PKP1: variants seen among roughly 807,000 people sequenced by gnomAD.
The protein encoded by PKP1 is plakophilin 1.
Under a neutral mutation model 76.4 loss-of-function variants are expected in PKP1, and 27 were observed. The observed-to-expected ratio is 0.35, with a 90% CI of 0.26 to 0.49. PKP1 has a LOEUF of 0.49. Among genes scored for constraint, PKP1 ranks in the 20% least tolerant of loss-of-function variants. The probability of loss-of-function intolerance (pLI) is 0.99; values close to 1 mark genes in which losing one functional copy is unlikely to be tolerated. For synonymous variants in PKP1, 404 were observed against 384.2 expected (o/e 1.05, Z -0.60); for missense variants, 964 against 955.2 (o/e 1.01, Z -0.12).
In PKP1 at chr1:201,332,272, GAGCCCCATGGGCCC is replaced by G. The variant is rs929326350; in HGVS notation, c.*2238_*2251del. 3 of 152,584 alleles carry G rather than the reference GAGCCCCATGGGCCC, an allele frequency of 2.0e-5. No homozygotes were observed. The South Asian group carries it at 6.2e-4, about 32-fold the overall frequency. 9.5% of individuals were successfully genotyped at this position (152,584 alleles called of 1,614,324 possible). A position where few individuals can be genotyped will look rare whatever the true frequency, so the allele number is the denominator to read the frequency against. ...GTTCCTCCCACCTTCAAAGAATGAA[GAGCCCCATGGGCCC>G]AGCCCCTGCCCTGGGAACCAGGCAG... On this transcript the variant is annotated 3_prime_UTR_variant, in exon 14 of 14. Coordinates refer to ENST00000367324, the MANE Select transcript of PKP1 (RefSeq NM_001005337.3).
rs547144721 is a variant in PKP1 at position 201,292,436 on chromosome 1, C to T, written c.203-1506C>T. On this transcript the variant is annotated intron_variant, in intron 1 of 13. Transcript: ENST00000367324. Reference sequence around the variant, plus strand: ...AAGCTGTGTCTGCCACAGCTTGAGACCCCTAATGTCCATGATGGAAGGGTG... The same window carrying T: ...AAGCTGTGTCTGCCACAGCTTGAGATCCCTAATGTCCATGATGGAAGGGTG... Among the ~76,000 whole-genome samples the T allele has an allele frequency of 2.0e-5, 3 of 152,298 alleles. No individual in the cohort carries two copies. In the South Asian group the frequency reaches 6.2e-4, roughly 32 times the overall value.
chr1:201,297,433 C>A (rs1007011988), intron 2 of PKP1, among the ~76,000 whole-genome samples: 2 of 152,184 alleles, frequency 1.3e-5, no homozygotes, highest in Admixed American at 6.5e-5. Flanking sequence ...GGTTTCTCAG[C>A]TGCATACTCA....
chr1:201,318,916 T>C, intron 6 of PKP1, 121 bp downstream of exon 6: 13 of 852,194 alleles, frequency 1.5e-5, no homozygotes, highest in Non-Finnish European at 2.5e-5. Context: ...GCACTCCCTC[T>C]TATGGGCAGG....
intron 6 of PKP1, chr1:201,319,747 G>A: frequency 2.0e-6 from 3 of 1,529,280 alleles, no homozygotes; most frequent in Non-Finnish European, 1.8e-6. Flanking sequence ...GGAGCTTCTG[G>A]TGCCCAGCCC....
rs769907783 is a variant in PKP1, at chr1:201,313,234, C to G, written c.375C>G (p.Asn125Lys). The change falls in exon 3 of 14, where the codon AAC becomes AAG. Residue 125 changes from asparagine (N) to lysine (K), a missense_variant. By Grantham distance (94) the Asn-to-Lys change is moderately conservative (BLOSUM62 0). Coordinates refer to ENST00000367324, the MANE Select transcript of PKP1 (RefSeq NM_001005337.3). ...TCAGCTCCTACAGCCAGATGGAGAACTGGAGCCGGCACTACCCCCGGGGCA... is the reference window on the plus strand; with the variant it reads ...TCAGCTCCTACAGCCAGATGGAGAAGTGGAGCCGGCACTACCCCCGGGGCA... ...RRFSSYSQME[N>K]WSRHYPRGSC... The G allele has an allele frequency of 6.2e-7, 1 of 1,604,416 alleles. No individual in the cohort carries two copies. The highest frequency in any genetic ancestry group is 1.3e-5 in the African/African-American group (1 of 74,860).
intron 4 of PKP1, among the ~76,000 whole-genome samples, chr1:201,317,058 C>T (rs1319345721): frequency 1.3e-5 from 2 of 152,220 alleles, no homozygotes; most frequent in African/African-American, 4.8e-5. Flanking sequence ...CACTCCCCTT[C>T]TCTCTCCAGG....
intron 2 of PKP1, among the ~76,000 whole-genome samples, chr1:201,311,069 G>A (rs1011859203): frequency 6.6e-6 from 1 of 152,238 alleles, no homozygotes; most frequent in Admixed American, 6.5e-5. Flanking sequence ...ACGTCCAGGC[G>A]TGTCGTTTAT....
chr1:201,295,651 T>C (rs1035862745), intron 2 of PKP1, among the ~76,000 whole-genome samples: 2 of 152,232 alleles, frequency 1.3e-5, no homozygotes, highest in African/African-American at 4.8e-5. Flanking sequence ...TTAGGAGGCT[T>C]AGGTTCTAGT....
intron 2 of PKP1, among the ~76,000 whole-genome samples, chr1:201,310,543 C>CGATG (rs1656516538): frequency 6.6e-6 from 1 of 152,204 alleles, no homozygotes; most frequent in African/African-American, 2.4e-5. Context: ...GGTCCCAGGC[C>CGATG]AATTTGTGCA....
Position 201,325,037 on chromosome 1 carries a change from T to C in PKP1, c.1931T>C (p.Val644Ala), listed in dbSNP as rs1461169842. 6.2e-6 allele frequency: 10 copies of C among 1,613,772 alleles called. No homozygotes were observed. Among genetic ancestry groups the C allele is most frequent in the Admixed American group, 1.7e-5 (1 of 60,008 alleles). The stretch of plus-strand genomic sequence containing the variant: ...ATCTTGTCCTCGGCCTGCTACACTG[T>C]GAGGAACCTGATGGCCTCGCAGCCA... The part of the protein sequence containing the change: ...EDILSSACYT[V>A]RNLMASQPQL... The change falls in exon 11 of 14, where the codon GTG becomes GCG. Residue 644 changes from valine (V) to alanine (A), a missense_variant. Transcript: ENST00000367324.
Position 201,284,397 on chromosome 1 carries a change from G to A in PKP1, c.202+493G>A, listed in dbSNP as rs115284684. Among the ~76,000 whole-genome samples, 727 of 152,322 alleles carry A rather than the reference G, an allele frequency of 4.8e-3. 7 individuals are homozygous for A. The highest frequency in any genetic ancestry group is 0.016 in the African/African-American group (678 of 41,582). On this transcript the variant is annotated intron_variant, in intron 1 of 13. Transcript: ENST00000367324. ...TTGATCTCCTGGCCTTCAGCTGGAG[G>A]CCGATGCCCAGCGTCCAGGCCAAGG...
intron 2 of PKP1, among the ~76,000 whole-genome samples, chr1:201,296,846 C>T (rs771599453): frequency 1.1e-4 from 16 of 152,182 alleles, no homozygotes; most frequent in Non-Finnish European, 2.1e-4. Flanking sequence ...TTGTCATGAC[C>T]TGGGTTTGAC....
intron 2 of PKP1, among the ~76,000 whole-genome samples, chr1:201,306,653 T>C (rs1772836): frequency 0.5 from 75,686 of 152,080 alleles, 22,863 homozygotes; most frequent in East Asian, 0.74. Flanking sequence ...AAGTCTCTAC[T>C]CTGAGGATGG....
At chr1:201,319,927 T>C (rs746477347) in intron 6 of PKP1, 2 of 1,585,356 alleles carry the variant, frequency 1.3e-6, no homozygotes, top group Admixed American at 1.7e-5. Context: ...CATGGAGCCA[T>C]TGCCAGTTAT....
chr1:201,318,880 G>C, intron 6 of PKP1, 85 bp downstream of exon 6: 4 of 1,091,864 alleles, frequency 3.7e-6, no homozygotes, highest in Non-Finnish European at 5.5e-6. Flanking sequence ...CATTCAGCCG[G>C]TGCATAGAAC....
intron 2 of PKP1, among the ~76,000 whole-genome samples, chr1:201,301,508 C>T (rs1446866633): frequency 6.6e-6 from 1 of 152,028 alleles, no homozygotes; most frequent in Non-Finnish European, 1.5e-5. Context: ...GCCTGGGGCT[C>T]GATTTCTTCC....
At position 201,316,625 on chromosome 1, in the gene PKP1, TGAG is replaced by T. The variant is rs1656755420; in HGVS notation, c.775_777del (p.Glu259del). On this transcript the variant is annotated inframe_deletion, in exon 4 of 14. Transcript: ENST00000367324. ...CTGTGCAGTACCTGAGCTCCCAGGATGAGAAGTACCAGGCCATTGGGGCCTATT... is the reference window on the plus strand; with the variant it reads ...CTGTGCAGTACCTGAGCTCCCAGGATAAGTACCAGGCCATTGGGGCCTATT... 1 of 1,613,492 alleles carries T rather than the reference TGAG, an allele frequency of 6.2e-7. No individual in the cohort carries two copies. Among genetic ancestry groups the T allele is most frequent in the East Asian group, 2.2e-5 (1 of 44,878 alleles).
At chr1:201,316,040 A>G (rs1216090602) in intron 3 of PKP1, among the ~76,000 whole-genome samples, 1 of 152,166 alleles carries the variant, frequency 6.6e-6, no homozygotes, top group East Asian at 1.9e-4. Flanking sequence ...GGATAGATGG[A>G]TGGATAAATG....
Position 201,325,827 on chromosome 1 carries a change from G to A in PKP1, c.2095G>A (p.Val699Ile), listed in dbSNP as rs769257959. ...GTGGTCCAGCAAGGAACTGCAGGGT[G>A]TCCTCAGACAGGTAAGAGCCCAGGA... ...DMWSSKELQGVLRQQGFDRNM... is the reference protein window; with the variant it reads ...DMWSSKELQGILRQQGFDRNM... Residue 699 changes from valine to isoleucine, a missense_variant, in exon 12 of 14, where the codon GTC becomes ATC. Coordinates refer to ENST00000367324, the MANE Select transcript of PKP1 (RefSeq NM_001005337.3). 4 of 1,613,324 alleles carry A rather than the reference G, an allele frequency of 2.5e-6. No individual in the cohort carries two copies. In the East Asian group the frequency reaches 6.7e-5, roughly 27 times the overall value.
Sources: allele counts gnomAD v4.1 joint callset (sites outside exome capture counted in the v4.1 genomes callset), GRCh38; gene constraint gnomAD v4.1.1; transcripts MANE v1.5; gene names NCBI Gene and HGNC (gene_info 2026-07-23, HGNC 2026-07-21).